Variants in EML4 observed in about 807,000 individuals in gnomAD.
EML4 encodes the protein echinoderm microtubule-associated protein-like 4.
Under a neutral mutation model 129.0 loss-of-function variants are expected in EML4, and 72 were observed. The observed-to-expected ratio is 0.56, with a 90% confidence interval of 0.46 to 0.68. EML4 has a LOEUF of 0.68. EML4 is among the 30% of genes least tolerant of loss of function. The probability of loss-of-function intolerance (pLI) is 0.00; values close to 1 mark genes in which losing one functional copy is unlikely to be tolerated. For synonymous variants in EML4, 532 were observed against 405.0 expected (o/e 1.31, Z -3.77); for missense variants, 1,363 against 1,190.6 (o/e 1.14, Z -2.13).
intron 5 of EML4, among the ~76,000 whole-genome samples, chr2:42,264,439 A>T (rs965380594): frequency 6.6e-6 from 1 of 152,162 alleles, no homozygotes; most frequent in Non-Finnish European, 1.5e-5. Context: ...CTTAATAATC[A>T]TATAAGATTT....
intron 1 of EML4, among the ~76,000 whole-genome samples, chr2:42,179,264 T>TA (rs771042784): frequency 4.8e-5 from 1 of 20,734 alleles, no homozygotes; most frequent in African/African-American, 1.8e-4. Context: ...GGGAGCTGGG[T>TA]TTTTTTTTTT....
intron 13 of EML4, among the ~76,000 whole-genome samples, chr2:42,296,422 G>T (rs1219730710): frequency 1.3e-5 from 2 of 151,962 alleles, no homozygotes; most frequent in Non-Finnish European, 2.9e-5. Context: ...AGGGCAACAT[G>T]TCCTTTCTCT....
chr2:42,321,042 T>A (rs887031436), intron 19 of EML4, among the ~76,000 whole-genome samples: 3 of 151,974 alleles, frequency 2.0e-5, no homozygotes, highest in Admixed American at 6.5e-5. Flanking sequence ...TAATGCAGGA[T>A]TTCAGTAAGG....
intron 13 of EML4, among the ~76,000 whole-genome samples, chr2:42,296,472 TATA>T (rs1439237601): frequency 4.2e-5 from 3 of 70,704 alleles, no homozygotes; most frequent in South Asian, 4.8e-4. Context: ...AACAACACCT[TATA>T]CTTCTCTCTC....
chr2:42,224,968 G>A (rs1263121807), intron 1 of EML4, among the ~76,000 whole-genome samples: 1 of 151,942 alleles, frequency 6.6e-6, no homozygotes, highest in Non-Finnish European at 1.5e-5. Flanking sequence ...CAATGAATTT[G>A]CCTATTCTAG....
At chr2:42,210,185 C>T (rs936598531) in intron 1 of EML4, among the ~76,000 whole-genome samples, 1 of 152,056 alleles carries the variant, frequency 6.6e-6, no homozygotes, top group Admixed American at 6.6e-5. Context: ...TCCAGGGTCC[C>T]ATCCAGTTGT....
At chr2:42,197,315 C>T (rs115747330) in intron 1 of EML4, among the ~76,000 whole-genome samples, 1,795 of 152,250 alleles carry the variant, frequency 0.012, 35 homozygotes, top group African/African-American at 0.04. Flanking sequence ...CCGCTTGCCT[C>T]AGCCTCCCAA....
At chr2:42,201,785 CA>C (rs1261462494) in intron 1 of EML4, among the ~76,000 whole-genome samples, 1 of 152,020 alleles carries the variant, frequency 6.6e-6, no homozygotes, top group Non-Finnish European at 1.5e-5. Flanking sequence ...GAAAAAAAGT[CA>C]AACTCAGAAA....
At chr2:42,264,974 G>T in intron 6 of EML4, 1 of 1,545,496 alleles carries the variant, frequency 6.5e-7, no homozygotes, top group Non-Finnish European at 8.7e-7. Flanking sequence ...TACGCAGTTG[G>T]TTGCCTTCTA....
chr2:42,172,883 G>C (rs1213942994), intron 1 of EML4, among the ~76,000 whole-genome samples: 1 of 152,018 alleles, frequency 6.6e-6, no homozygotes, highest in Admixed American at 6.6e-5. Context: ...TCATAATAGA[G>C]GTTTAATTTT....
chr2:42,327,031 C>A (rs964672220), intron 21 of EML4, among the ~76,000 whole-genome samples: 1 of 152,184 alleles, frequency 6.6e-6, no homozygotes, highest in Non-Finnish European at 1.5e-5. Context: ...ACCCCACCCC[C>A]CAGCAACCAC....
intron 1 of EML4, among the ~76,000 whole-genome samples, chr2:42,180,080 T>A (rs765370217): frequency 4.6e-5 from 7 of 152,136 alleles, no homozygotes; most frequent in Non-Finnish European, 7.4e-5. Flanking sequence ...TTTCTGTGAG[T>A]TTGGAATCAT....
chr2:42,177,256 CTT>C (rs70959501), intron 1 of EML4, among the ~76,000 whole-genome samples: 3 of 147,912 alleles, frequency 2.0e-5, no homozygotes, highest in Non-Finnish European at 4.5e-5. Context: ...TTTCATACCT[CTT>C]TTTTTTTTTA....
chr2:42,326,341 T>A lies in EML4; in HGVS notation c.2341+89T>A, dbSNP rs1669811088. On this transcript the variant is annotated intron_variant, in intron 21 of 22. Transcript: ENST00000318522. ...GCTTAAATTTATAAATGAAAAATAG[T>A]CTGTGTATTCTTTAGCTTTATCACT... 1.9e-5 allele frequency: 16 copies of A among 858,236 alleles called. No homozygotes were observed. The South Asian group carries it at 2.7e-4, about 15-fold the overall frequency. The allele number at this position is 858,236 out of a possible 1,614,324, so 53.2% of individuals were successfully genotyped here. A position where few individuals can be genotyped will look rare whatever the true frequency, so the allele number is the denominator to read the frequency against.
At chr2:42,286,616 T>G (rs1667321535) in intron 10 of EML4, among the ~76,000 whole-genome samples, 2 of 152,372 alleles carry the variant, frequency 1.3e-5, no homozygotes, top group South Asian at 4.1e-4. Context: ...GGAATTATGC[T>G]GCCTTGAGGT....
At chr2:42,325,238 A>C (rs1189845367) in intron 19 of EML4, 1 of 591,474 alleles carries the variant, frequency 1.7e-6, no homozygotes, top group Non-Finnish European at 3.3e-6. Flanking sequence ...TGTCTAATAC[A>C]GGTAGTAGGT....
At chr2:42,325,430 C>G (rs2103827537) in intron 19 of EML4, 37 bp from the exon 20 acceptor site, 1 of 987,532 alleles carries the variant, frequency 1.0e-6, no homozygotes, top group Non-Finnish European at 1.6e-6. Context: ...ATTCAGAACT[C>G]TAAATGCTTT....
intron 1 of EML4, among the ~76,000 whole-genome samples, chr2:42,203,551 AAGCAGT>A (rs1200598748): frequency 2.6e-5 from 4 of 152,090 alleles, no homozygotes; most frequent in Non-Finnish European, 4.4e-5. Flanking sequence ...TTACCTATGG[AAGCAGT>A]TATACAAGAT....
intron 1 of EML4, among the ~76,000 whole-genome samples, chr2:42,217,142 C>T (rs1380426436): frequency 6.6e-6 from 1 of 152,140 alleles, no homozygotes; most frequent in African/African-American, 2.4e-5. Flanking sequence ...CAGATTTAAG[C>T]ATATTAGAAA....
Sources: gnomAD v4.1 joint callset for allele counts (sites outside exome capture counted in the v4.1 genomes callset) on GRCh38, gnomAD v4.1.1 for gene constraint, MANE v1.5 for transcripts, NCBI Gene and HGNC (gene_info 2026-07-23, HGNC 2026-07-21) for gene names.